Variants in ATIC observed in about 807,000 individuals in gnomAD.
ATIC encodes the protein 5-aminoimidazole-4-carboxamide ribonucleotide formyltransferase/IMP cyclohydrolase, also known as bifunctional purine biosynthesis protein ATIC.
A neutral mutation model predicts 72.5 loss-of-function variants in ATIC; 64 were observed. The observed-to-expected ratio is 0.88, with a 90% CI of 0.72 to 1.09. ATIC has a LOEUF of 1.09. Ranked by LOEUF, ATIC falls within the 50% of genes least tolerant of loss-of-function variation. ATIC has a pLI of 0.00. For synonymous variants in ATIC, 281 were observed against 267.1 expected (o/e 1.05, Z -0.51); for missense variants, 787 against 732.4 (o/e 1.07, Z -0.86).
chr2:215,360,981 A>G, the ATIC span: 1 of 156,236 alleles, frequency 6.4e-6, no homozygotes, highest in Non-Finnish European at 1.4e-5. Context: ...TATCAACTGC[A>G]TACTAAGTGT....
rs149803312 is a variant in ATIC, at chr2:215,326,042, G to T, written c.435G>T (p.Val145=). 1.9e-6 allele frequency: 3 copies of T among 1,614,216 alleles called. No homozygotes were observed. Among genetic ancestry groups the T allele is most frequent in the Non-Finnish European group, 2.5e-6 (3 of 1,180,034 alleles). ...AAAACCACGCTCGAGTGACAGTGGT[G>T]TGTGAACCAGAGGACTATGTGGTGG... ...AAKNHARVTV[V]CEPEDYVVVS... The change falls in exon 6 of 16, where the codon GTG becomes GTT. Residue 145 remains valine (V), a synonymous_variant. Coordinates refer to ENST00000236959, the MANE Select transcript of ATIC (RefSeq NM_004044.7).
chr2:215,366,456 C>T, the ATIC span, among the ~76,000 whole-genome samples: 1 of 152,018 alleles, frequency 6.6e-6, no homozygotes, highest in African/African-American at 2.4e-5. Flanking sequence ...AAAATGAACC[C>T]GGATAAAATA....
chr2:215,332,432 T>C lies in ATIC; in HGVS notation c.739T>C (p.Trp247Arg). 2 of 1,614,164 alleles carry C rather than the reference T, an allele frequency of 1.2e-6. No individual in the cohort carries two copies. Residue 247 changes from tryptophan to arginine, a missense_variant, in exon 8 of 16, where the codon TGG (tryptophan) becomes CGG (arginine). By Grantham distance (101) the Trp-to-Arg change is moderately radical (BLOSUM62 -3). Coordinates refer to ENST00000236959, the MANE Select transcript of ATIC (RefSeq NM_004044.7). The part of the protein sequence containing the change: ...FINLCDALNA[W>R]QLVKELKEAL... ...AAACTTGTGCGATGCTTTGAACGCC[T>C]GGCAGCTGGTGAAGGAACTCAAGGA...
At chr2:215,312,236 G>C (rs1295399129) in intron 1 of ATIC, 75 bp downstream of exon 1, 1 of 1,442,782 alleles carries the variant, frequency 6.9e-7, no homozygotes, top group African/African-American at 1.5e-5. Flanking sequence ...GCGGCGGCCG[G>C]CGGGACCCGG....
chr2:215,312,413 A>T, intron 1 of ATIC, 85 bp from the exon 2 acceptor site: 1 of 1,608,664 alleles, frequency 6.2e-7, no homozygotes, highest in South Asian at 1.1e-5. Flanking sequence ...CGATTCGAGA[A>T]TCTCCTCCCC....
At chr2:215,334,111 A>G (rs1216207673) in intron 9 of ATIC, among the ~76,000 whole-genome samples, 1 of 151,726 alleles carries the variant, frequency 6.6e-6, no homozygotes, top group Admixed American at 6.6e-5. Context: ...TGGTCAATGT[A>G]ATTTTGCTAA....
In ATIC at chr2:215,326,842, A is replaced by G. The variant is rs1157237934; in HGVS notation, c.552A>G (p.Gln184=). 3.6e-5 allele frequency: 58 copies of G among 1,614,028 alleles called. No homozygotes were observed. The Admixed American group carries it at 9.0e-4, about 25-fold the overall frequency. The change falls in exon 7 of 16, where the codon CAA becomes CAG. Residue 184 remains glutamine (Q), a synonymous_variant. Transcript: ENST00000236959. The part of the protein sequence containing the change: ...LALKAFTHTA[Q]YDEAISDYFR... Reference sequence around the variant, plus strand: ...TGTAGGCATTCACTCATACGGCACAATATGATGAAGCAATTTCAGATTATT... The same window carrying G: ...TGTAGGCATTCACTCATACGGCACAGTATGATGAAGCAATTTCAGATTATT...
chr2:215,365,004 C>G, the ATIC span: 2 of 1,443,548 alleles, frequency 1.4e-6, no homozygotes, highest in African/African-American at 1.4e-5. Flanking sequence ...AGACACAAGA[C>G]AGATGCACGC....
intron 14 of ATIC, among the ~76,000 whole-genome samples, chr2:215,348,348 ATT>A (rs2053093504): frequency 6.6e-6 from 1 of 152,160 alleles, no homozygotes; most frequent in Non-Finnish European, 1.5e-5. Flanking sequence ...TTGGAACACA[ATT>A]TTTATTTGCT....
intron 5 of ATIC, 51 bp from the exon 6 acceptor site, chr2:215,325,936 C>G (rs113770205): frequency 6.3e-7 from 1 of 1,598,242 alleles, no homozygotes; most frequent in African/African-American, 1.3e-5. Flanking sequence ...AAAAGCGGTT[C>G]ATAAGCTGAT....
At chr2:215,367,784 A>G in the ATIC span, 1 of 1,422,622 alleles carries the variant, frequency 7.0e-7, no homozygotes, top group Middle Eastern at 1.8e-4. Context: ...TCTTCCAAAC[A>G]TGCTTCCTTG....
At chr2:215,328,100 C>T (rs2052849761) in intron 7 of ATIC, among the ~76,000 whole-genome samples, 1 of 151,900 alleles carries the variant, frequency 6.6e-6, no homozygotes, top group Non-Finnish European at 1.5e-5. Flanking sequence ...TCTCAAACTC[C>T]TGACCTCAAG....
intron 4 of ATIC, among the ~76,000 whole-genome samples, chr2:215,320,176 CAACT>C (rs1284143429): frequency 4.6e-5 from 7 of 152,154 alleles, no homozygotes; most frequent in African/African-American, 1.4e-4. Context: ...TCAACTTGCA[CAACT>C]AACTGAGTTA....
intron 15 of ATIC, 65 bp from the exon 16 acceptor site, chr2:215,349,471 G>C: frequency 6.2e-7 from 1 of 1,611,616 alleles, no homozygotes; most frequent in East Asian, 2.2e-5. Flanking sequence ...TTTTTAGAGG[G>C]GGATTTTGAG....
chr2:215,329,404 G>A (rs1484136100), intron 7 of ATIC, among the ~76,000 whole-genome samples: 1 of 152,184 alleles, frequency 6.6e-6, no homozygotes, highest in East Asian at 1.9e-4. Flanking sequence ...GGCGGCCCTG[G>A]ACACGTAAAT....
At chr2:215,346,659 C>T in intron 13 of ATIC, 100 bp from the exon 14 acceptor site, 1 of 1,400,664 alleles carries the variant, frequency 7.1e-7, no homozygotes, top group Non-Finnish European at 1.0e-6. Context: ...TGTTCTTCCA[C>T]AAAACTAATA....
chr2:215,349,277 T>C (rs370537367), intron 15 of ATIC, 28 bp downstream of exon 15: 143 of 1,613,706 alleles, frequency 8.9e-5, no homozygotes, highest in Non-Finnish European at 1.2e-4. Flanking sequence ...TGCATTTGCT[T>C]AGAGTTGAGC....
At position 215,316,794 on chromosome 2, in the gene ATIC, CTGT is replaced by C. The variant is rs551969764; in HGVS notation, c.147-1357_147-1355del. 5.1e-3 allele frequency among the ~76,000 whole-genome samples: 770 copies of C among 152,066 alleles called. 6 individuals carry two copies. Among genetic ancestry groups the C allele is most frequent in the African/African-American group, 0.018 (735 of 41,480 alleles). On this transcript the variant is annotated intron_variant, in intron 2 of 15. Coordinates refer to ENST00000236959, the MANE Select transcript of ATIC (RefSeq NM_004044.7). ...ATTTATTTTTTGAGACGGAGTTTTGCTGTTGTTGCCCAGGTTGAAATGCAGTGG... is the reference window on the plus strand; with the variant it reads ...ATTTATTTTTTGAGACGGAGTTTTGCTGTTGCCCAGGTTGAAATGCAGTGG...
intron 11 of ATIC, among the ~76,000 whole-genome samples, chr2:215,338,505 A>G (rs975461004): frequency 3.9e-5 from 6 of 152,230 alleles, no homozygotes; most frequent in African/African-American, 1.2e-4. Context: ...TGTAAAATCT[A>G]TAAAATACTA....
Sources: gnomAD v4.1 joint callset for allele counts (sites outside exome capture counted in the v4.1 genomes callset) on GRCh38, gnomAD v4.1.1 for gene constraint, MANE v1.5 for transcripts, NCBI Gene and HGNC (gene_info 2026-07-23, HGNC 2026-07-21) for gene names.